SLC26A2: variants seen among roughly 807,000 people sequenced by gnomAD.
SLC26A2 encodes sulfate transporter.
SLC26A2 carries 36 observed loss-of-function variants against 41.1 expected under a neutral mutation model. The observed-to-expected ratio is 0.88, with a 90% confidence interval of 0.67 to 1.16. The LOEUF is 1.16. Among genes scored for constraint, SLC26A2 ranks in the 50% most tolerant of loss-of-function variants. The pLI is 0.00. For missense variants in SLC26A2, 796 were observed against 869.6 expected (o/e 0.92, Z 1.07); for synonymous variants, 291 against 311.6 (o/e 0.93, Z 0.70).
Position 149,980,938 on chromosome 5 carries a change from A to T in SLC26A2, c.1345A>T (p.Thr449Ser). The change falls in exon 3 of 3, where the codon ACA becomes TCA. Residue 449 changes from threonine to serine, a missense_variant. By Grantham distance (58) the Thr-to-Ser change is moderately conservative. Transcript: ENST00000286298. ...ALAKTLVKES[T>S]GCHTQLSGVV... is the part of the protein sequence containing the mutation. ...TGCAAAGACATTGGTTAAAGAATCA[A>T]CAGGCTGCCATACTCAGCTTTCTGG... The T allele has an allele frequency of 1.2e-6, 2 of 1,614,170 alleles. No homozygotes were observed. Among genetic ancestry groups the T allele is most frequent in the Non-Finnish European group, 1.7e-6 (2 of 1,180,024 alleles).
chr5:149,980,943 C>A lies in SLC26A2; in HGVS notation c.1350C>A (p.Gly450=). Residue 450 remains glycine, a synonymous_variant, in exon 3 of 3, where the codon GGC becomes GGA. Transcript: ENST00000286298. The part of the protein sequence containing the change: ...LAKTLVKEST[G]CHTQLSGVVT... ...AGACATTGGTTAAAGAATCAACAGG[C>A]TGCCATACTCAGCTTTCTGGTGTGG... is the stretch of plus-strand genomic sequence containing the variant. The A allele has an allele frequency of 6.2e-7, 1 of 1,614,156 alleles. No homozygotes were observed. The highest frequency in any genetic ancestry group is 1.1e-5 in the South Asian group (1 of 91,080).
In SLC26A2 at chr5:149,987,313, G is replaced by A. The variant is rs1322437244; in HGVS notation, c.*5500G>A. The A allele has an allele frequency of 3.3e-5, 5 of 152,166 alleles. No homozygotes were observed. The highest frequency in any genetic ancestry group is 1.2e-4 in the African/African-American group (5 of 41,440). 9.4% of individuals were successfully genotyped at this position (152,166 alleles called of 1,614,324 possible). A position where few individuals can be genotyped will look rare whatever the true frequency, so the allele number is the denominator to read the frequency against. On this transcript the variant is annotated 3_prime_UTR_variant, in exon 3 of 3. Transcript: ENST00000286298. ...TTTCTTCTAGAAGCTTATGTTTTAT[G>A]CTGTTTATTATGTAAGATCCTGTAT... is the stretch of plus-strand genomic sequence containing the variant.
chr5:149,974,722 C>CTTTTT (rs11440508), intron 1 of SLC26A2, among the ~76,000 whole-genome samples: 8 of 100,888 alleles, frequency 7.9e-5, no homozygotes, highest in African/African-American at 2.0e-4. Flanking sequence ...TGCACCCGGC[C>CTTTTT]TTTTTTTTTT....
At chr5:149,971,891 A>C (rs951871396) in intron 1 of SLC26A2, among the ~76,000 whole-genome samples, 5 of 152,362 alleles carry the variant, frequency 3.3e-5, no homozygotes, top group Admixed American at 1.3e-4. Context: ...CATTGCCTGC[A>C]GATTCAAGTC....
chr5:149,974,484 G>A lies in SLC26A2; in HGVS notation c.-25-3144G>A, dbSNP rs570859289. ...TGTCACCATGCTGGAGTGCAGTGGC[G>A]CGATCTTGGCTCACTGCAGCCTCCG... On this transcript the variant is annotated intron_variant, in intron 1 of 2. Coordinates refer to ENST00000286298, the MANE Select transcript of SLC26A2 (RefSeq NM_000112.4). Among the ~76,000 whole-genome samples, 7 of 151,374 alleles carry A rather than the reference G, an allele frequency of 4.6e-5. No homozygotes were observed. The South Asian group carries it at 8.3e-4, about 18-fold the overall frequency.
intron 1 of SLC26A2, among the ~76,000 whole-genome samples, chr5:149,974,748 G>T (rs1213924726): frequency 9.6e-6 from 1 of 103,654 alleles, no homozygotes; most frequent in Non-Finnish European, 1.8e-5. Context: ...TTTTTGAGAA[G>T]GAGTTTTCCT....
intron 1 of SLC26A2, among the ~76,000 whole-genome samples, chr5:149,976,461 G>T (rs1445853844): frequency 6.6e-6 from 1 of 152,154 alleles, no homozygotes; most frequent in Non-Finnish European, 1.5e-5. Flanking sequence ...TTGTAACTGG[G>T]TTTTAAAAAA....
chr5:149,974,625 A>G (rs1231379702), intron 1 of SLC26A2, among the ~76,000 whole-genome samples: 4 of 149,798 alleles, frequency 2.7e-5, no homozygotes, highest in African/African-American at 9.9e-5. Context: ...GGGTTTCACC[A>G]TGTTGGCCAG....
Position 149,986,402 on chromosome 5 carries a change from G to A in SLC26A2, c.*4589G>A, listed in dbSNP as rs936955654. On this transcript the variant is annotated 3_prime_UTR_variant, in exon 3 of 3. Transcript: ENST00000286298. ...CAGCTGGTTTGTTATTATAGTCCGT[G>A]TATTAAAATACTATTGAAATACGTT... 2.0e-5 allele frequency: 3 copies of A among 152,030 alleles called. No homozygotes were observed. Among genetic ancestry groups the A allele is most frequent in the African/African-American group, 7.2e-5 (3 of 41,390 alleles). 9.4% of individuals were successfully genotyped at this position (152,030 alleles called of 1,614,324 possible).
chr5:149,966,905 C>T (rs1234687654), intron 1 of SLC26A2, among the ~76,000 whole-genome samples: 1 of 152,158 alleles, frequency 6.6e-6, no homozygotes, highest in Non-Finnish European at 1.5e-5. Flanking sequence ...TTGTGTGTGT[C>T]TGGGGACTTA....
chr5:149,967,734 T>TTC (rs1298660794), intron 1 of SLC26A2, among the ~76,000 whole-genome samples: 3 of 150,736 alleles, frequency 2.0e-5, no homozygotes, highest in Non-Finnish European at 4.4e-5. Flanking sequence ...TATATGCCTA[T>TTC]TCTCTCTCTC....
At position 149,980,660 on chromosome 5, in the gene SLC26A2, A is replaced by G. The variant is rs145359896; in HGVS notation, c.1067A>G (p.Tyr356Cys). 5.0e-6 allele frequency: 8 copies of G among 1,613,974 alleles called. No individual in the cohort carries two copies. The highest frequency in any genetic ancestry group is 4.0e-5 in the African/African-American group (3 of 74,934). The stretch of plus-strand genomic sequence containing the variant: ...CATTTTGGAAAACTACATGAAAATT[A>G]TAATTCTAGTATTGCTGGACATATT... ...ASHFGKLHEN[Y>C]NSSIAGHIPT... The change falls in exon 3 of 3, where the codon TAT (tyrosine) becomes TGT (cysteine). Residue 356 changes from tyrosine to cysteine, a missense_variant. Transcript: ENST00000286298.
Position 149,981,754 on chromosome 5 carries a change from G to T in SLC26A2, c.2161G>T (p.Val721Leu). Residue 721 changes from valine (V) to leucine (L), a missense_variant, in exon 3 of 3, where the codon GTA becomes TTA. Transcript: ENST00000286298. ...GTATGAAGCGATGGCTTTTGCAGAA[G>T]TATCTAAAAATCAGAAAGGAGTATG... Reference protein sequence around the residue: ...SVYEAMAFAEVSKNQKGVCVP... With the variant: ...SVYEAMAFAELSKNQKGVCVP... The T allele has an allele frequency of 6.2e-7, 1 of 1,611,396 alleles. No individual in the cohort carries two copies. Among genetic ancestry groups the T allele is most frequent in the Non-Finnish European group, 8.5e-7 (1 of 1,179,318 alleles).
chr5:149,977,201 AG>A, intron 1 of SLC26A2, among the ~76,000 whole-genome samples: 2 of 152,368 alleles, frequency 1.3e-5, no homozygotes, highest in South Asian at 4.1e-4. Flanking sequence ...GCAGGCATTA[AG>A]GTTAAGGTAG....
chr5:149,968,407 T>A (rs76402988), intron 1 of SLC26A2, among the ~76,000 whole-genome samples: 2,583 of 151,924 alleles, frequency 0.017, 43 homozygotes, highest in African/African-American at 0.039. Flanking sequence ...TGTTTTTTTT[T>A]AATTTTATTT....
chr5:149,969,464 C>T (rs1379857369), intron 1 of SLC26A2, among the ~76,000 whole-genome samples: 1 of 152,184 alleles, frequency 6.6e-6, no homozygotes, highest in Non-Finnish European at 1.5e-5. Flanking sequence ...AACCCAAAGT[C>T]AGATTTTTTG....
At position 149,984,781 on chromosome 5, in the gene SLC26A2, T is replaced by C. The variant is rs1755167419; in HGVS notation, c.*2968T>C. 6.6e-6 allele frequency: 1 copy of C among 152,048 alleles called. No individual in the cohort carries two copies. Among genetic ancestry groups the C allele is most frequent in the Non-Finnish European group, 1.5e-5 (1 of 68,042 alleles). The allele number at this position is 152,048 out of a possible 1,614,324, so 9.4% of individuals were successfully genotyped here. On this transcript the variant is annotated 3_prime_UTR_variant, in exon 3 of 3. Transcript: ENST00000286298. ...AAAATATCTTGCTTACTCTAAACTT[T>C]AGAGTCTAAATGAAGCTTTTTCTCA... is the stretch of plus-strand genomic sequence containing the variant.
chr5:149,973,798 C>A (rs1754944693), intron 1 of SLC26A2, among the ~76,000 whole-genome samples: 1 of 152,044 alleles, frequency 6.6e-6, no homozygotes, highest in South Asian at 2.1e-4. Flanking sequence ...CCATGCCTGG[C>A]CTCTTATCTT....
At chr5:149,961,052 C>T (rs942263572) in intron 1 of SLC26A2, 73 bp downstream of exon 1, 2 of 152,310 alleles carry the variant, frequency 1.3e-5, no homozygotes, top group African/African-American at 4.8e-5. Context: ...CGGGCCCCTC[C>T]CAGAGTCATT....
Sources: allele counts gnomAD v4.1 joint callset (sites outside exome capture counted in the v4.1 genomes callset), GRCh38; gene constraint gnomAD v4.1.1; transcripts MANE v1.5; gene names NCBI Gene and HGNC (gene_info 2026-07-23, HGNC 2026-07-21).